The following STX17 variants were observed in gnomAD, a reference collection of about 807,000 sequenced individuals.
STX17 encodes syntaxin-17.
A neutral mutation model predicts 35.9 loss-of-function variants in STX17; 29 were observed. The observed-to-expected ratio is 0.81, with a 90% CI of 0.60 to 1.10. The LOEUF is 1.10. STX17 is among the 50% of genes least tolerant of loss of function. The probability of loss-of-function intolerance (pLI) is 0.00; values close to 1 mark genes in which losing one functional copy is unlikely to be tolerated. For missense variants in STX17, 312 were observed against 352.3 expected (o/e 0.89, Z 0.92); for synonymous variants, 92 against 118.3 (o/e 0.78, Z 1.44).
chr9:99,953,002 A>G (rs950796782), intron 4 of STX17, among the ~76,000 whole-genome samples: 2 of 152,074 alleles, frequency 1.3e-5, no homozygotes, highest in Admixed American at 1.3e-4. Flanking sequence ...CATTGTGCAC[A>G]TGTACCCTAG....
intron 6 of STX17, among the ~76,000 whole-genome samples, chr9:99,963,197 A>G (rs796753180): frequency 6.6e-6 from 1 of 152,182 alleles, no homozygotes; most frequent in Non-Finnish European, 1.5e-5. Flanking sequence ...AAGGTATAGT[A>G]CAATAAATGT....
chr9:99,916,390 CATTTATTTATTTATTTATTTATTT>C, intron 2 of STX17, among the ~76,000 whole-genome samples: 1 of 141,926 alleles, frequency 7.0e-6, no homozygotes, highest in South Asian at 2.3e-4. Context: ...GCAGAACCTC[CATTTATTTATTTATTTATTTATTT>C]ATTTATTTAT....
rs996760221 is a variant in STX17 at position 99,949,129 on chromosome 9, G to A, written c.190-1931G>A. ...AGTTTCCTTATTGTAAAATTGTGAG[G>A]TTGTATTAGATGCTCACTTATGCCC... On this transcript the variant is annotated intron_variant, in intron 3 of 7. Transcript: ENST00000259400. 3.3e-5 allele frequency among the ~76,000 whole-genome samples: 5 copies of A among 152,020 alleles called. No homozygotes were observed. The South Asian group carries it at 8.3e-4, about 25-fold the overall frequency.
Position 99,915,340 on chromosome 9 carries a change from A to G in STX17, c.101A>G (p.Lys34Arg). Residue 34 changes from lysine (K) to arginine (R), a missense_variant, in exon 2 of 8, where the codon AAG becomes AGG. By Grantham distance (26) the Lys-to-Arg change is conservative. Transcript: ENST00000259400. ...VIPTDLERLR[K>R]HQINIEKYQR... ...CCAACAGACCTGGAAAGGTTAAGAA[A>G]GCACCAGATAAATATTGAGAAGGTG... The G allele has an allele frequency of 6.2e-7, 1 of 1,606,002 alleles. No individual in the cohort carries two copies. The highest frequency in any genetic ancestry group is 1.7e-4 in the Middle Eastern group (1 of 6,022).
In STX17 at chr9:99,930,716, C is replaced by T. The variant is rs187789446; in HGVS notation, c.189+1873C>T. On this transcript the variant is annotated intron_variant, in intron 3 of 7. Coordinates refer to ENST00000259400, the MANE Select transcript of STX17 (RefSeq NM_017919.3). Reference sequence around the variant, plus strand: ...ATCTCTATTTTCCTAGGTATTATGCCTTCCTCATTTTTGCTTTATTCTGTT... The same window carrying T: ...ATCTCTATTTTCCTAGGTATTATGCTTTCCTCATTTTTGCTTTATTCTGTT... Among the ~76,000 whole-genome samples the T allele has an allele frequency of 1.4e-4, 22 of 152,190 alleles. No homozygotes were observed. The East Asian group carries it at 1.5e-3, about 11-fold the overall frequency.
At chr9:99,967,515 C>T in intron 6 of STX17, 138 bp from the exon 7 acceptor site, 1 of 426,056 alleles carries the variant, frequency 2.3e-6, no homozygotes, top group Non-Finnish European at 4.3e-6. Context: ...CATGGCTTAT[C>T]AGATGCTATT....
chr9:99,913,561 T>C (rs1000523361), intron 1 of STX17, among the ~76,000 whole-genome samples: 22 of 152,138 alleles, frequency 1.4e-4, no homozygotes, highest in Admixed American at 1.1e-3. Context: ...TGGAATAGAA[T>C]GTTTTTGGAT....
rs1444398595 is a variant in STX17 at position 99,967,676 on chromosome 9, C to T, written c.606C>T (p.Ser202=). 1 of 1,613,722 alleles carries T rather than the reference C, an allele frequency of 6.2e-7. No individual in the cohort carries two copies. The highest frequency in any genetic ancestry group is 8.5e-7 in the Non-Finnish European group (1 of 1,179,884). The change falls in exon 7 of 8, where the codon AGC becomes AGT. Residue 202 remains serine, a synonymous_variant. Transcript: ENST00000259400. The part of the protein sequence containing the change: ...LVNSQQEKID[S]IADHVNSAAV... ...AGTCTCAGCAGGAGAAGATTGACAG[C>T]ATTGCAGACCATGTCAACAGTGCTG...
In STX17 at chr9:99,951,108, C is replaced by T. The variant is rs764341119; in HGVS notation, c.238C>T (p.Arg80Ter). Residue 80 changes from arginine (R) to a stop codon, truncating the protein, a stop_gained, in exon 4 of 8, where the codon CGA becomes TGA. Transcript: ENST00000259400. LOFTEE classifies it high-confidence loss of function. Reference protein sequence around the residue: ...REIEKLCLKVRKDDLVLLKRM... With the variant: ...REIEKLCLKV ...AATTGAGAAACTTTGTTTGAAAGTC[C>T]GAAAGGATGACCTAGTACTTCTGAA... 5.6e-6 allele frequency: 9 copies of T among 1,611,724 alleles called. No individual in the cohort carries two copies. The Admixed American group carries it at 6.7e-5, about 12-fold the overall frequency.
At chr9:99,931,624 C>T (rs569338889) in intron 3 of STX17, among the ~76,000 whole-genome samples, 1 of 152,120 alleles carries the variant, frequency 6.6e-6, no homozygotes, top group Admixed American at 6.5e-5. Flanking sequence ...TAAGTAGTTG[C>T]AACAGAGACT....
At chr9:99,914,303 G>T (rs1235289709) in intron 1 of STX17, among the ~76,000 whole-genome samples, 6 of 152,166 alleles carry the variant, frequency 3.9e-5, no homozygotes. Flanking sequence ...TTTCAAGCTT[G>T]GTTAAGCTGT....
chr9:99,954,161 C>T (rs1829661598), intron 4 of STX17: 1 of 151,936 alleles, frequency 6.6e-6, no homozygotes, highest in African/African-American at 2.4e-5. Context: ...ACCAAATGGG[C>T]TATTAAAGAC....
intron 2 of STX17, among the ~76,000 whole-genome samples, chr9:99,926,320 T>G (rs1266926741): frequency 6.6e-6 from 1 of 152,202 alleles, no homozygotes; most frequent in Non-Finnish European, 1.5e-5. Context: ...TTCTGTTGAT[T>G]GGTTTTTCTC....
At chr9:99,913,077 A>G (rs990476124) in intron 1 of STX17, among the ~76,000 whole-genome samples, 2 of 152,074 alleles carry the variant, frequency 1.3e-5, no homozygotes, top group African/African-American at 4.8e-5. Context: ...TAAAAGCAAT[A>G]TATTATTGCT....
At chr9:99,939,570 A>G (rs1221682948) in intron 3 of STX17, among the ~76,000 whole-genome samples, 1 of 152,232 alleles carries the variant, frequency 6.6e-6, no homozygotes, top group Non-Finnish European at 1.5e-5. Flanking sequence ...AGATGTTAAA[A>G]TGTGGACAAG....
intron 3 of STX17, among the ~76,000 whole-genome samples, chr9:99,946,869 A>G (rs1042240179): frequency 6.6e-6 from 1 of 152,108 alleles, no homozygotes; most frequent in Admixed American, 6.5e-5. Flanking sequence ...GTTTCTTTGC[A>G]AGAAACTCTT....
intron 2 of STX17, among the ~76,000 whole-genome samples, chr9:99,919,282 T>G (rs1315540966): frequency 6.6e-6 from 1 of 152,110 alleles, no homozygotes; most frequent in African/African-American, 2.4e-5. Flanking sequence ...GCTTAGTCGT[T>G]TTTTAGAGAC....
chr9:99,946,095 A>G (rs1323189306), intron 3 of STX17, among the ~76,000 whole-genome samples: 2 of 152,204 alleles, frequency 1.3e-5, no homozygotes, highest in Non-Finnish European at 1.5e-5. Flanking sequence ...AAACAAAAAC[A>G]AAAACAAAAA....
At chr9:99,926,976 G>A (rs1421835861) in intron 2 of STX17, among the ~76,000 whole-genome samples, 1 of 152,146 alleles carries the variant, frequency 6.6e-6, no homozygotes, top group Non-Finnish European at 1.5e-5. Flanking sequence ...TGATCTTCAG[G>A]AATTATTCTA....
Sources: allele counts gnomAD v4.1 joint callset (sites outside exome capture counted in the v4.1 genomes callset), GRCh38; gene constraint gnomAD v4.1.1; transcripts MANE v1.5; gene names NCBI Gene and HGNC (gene_info 2026-07-23, HGNC 2026-07-21).